Variants in USP20 observed in about 807,000 individuals in gnomAD.
USP20 encodes ubiquitin carboxyl-terminal hydrolase 20.
A neutral mutation model predicts 124.2 loss-of-function variants in USP20; 80 were observed. That is an observed-to-expected ratio of 0.64 (90% CI 0.54 to 0.78). The LOEUF (loss-of-function observed/expected upper bound fraction) is 0.78, where lower values mean the gene tolerates loss of function less well. Ranked by LOEUF, USP20 falls within the 30% of genes least tolerant of loss-of-function variation. The probability of loss-of-function intolerance (pLI) is 0.00; values close to 1 mark genes in which losing one functional copy is unlikely to be tolerated. For missense variants in USP20, 1,043 were observed against 1,244.4 expected, an observed-to-expected ratio of 0.84 and a Z score of 2.44; for synonymous variants, 481 against 512.3, an observed-to-expected ratio of 0.94 and a Z score of 0.83.
At chr9:129,848,453 G>A (rs917796064) in intron 1 of USP20, among the ~76,000 whole-genome samples, 1 of 151,648 alleles carries the variant, frequency 6.6e-6, no homozygotes, top group South Asian at 2.1e-4. Flanking sequence ...CTCTGAAGTT[G>A]CAAGAATGTA....
chr9:129,861,151 G>A, intron 7 of USP20, 118 bp downstream of exon 7: 1 of 968,190 alleles, frequency 1.0e-6, no homozygotes, highest in Non-Finnish European at 1.6e-6. Context: ...AAGGAAGGAT[G>A]GGGTGACGGA....
At chr9:129,871,821 A>C (rs1729341542) in intron 15 of USP20, among the ~76,000 whole-genome samples, 1 of 150,958 alleles carries the variant, frequency 6.6e-6, no homozygotes, top group Non-Finnish European at 1.5e-5. Flanking sequence ...GGTTTAAGCG[A>C]TTCTCCTGCC....
At chr9:129,861,102 G>T in intron 7 of USP20, 69 bp downstream of exon 7, 6 of 1,415,668 alleles carry the variant, frequency 4.2e-6, no homozygotes, top group Non-Finnish European at 6.0e-6. Flanking sequence ...GCTGGAAACC[G>T]CCAGAGTCTT....
At chr9:129,870,695 C>T (rs910498301) in intron 15 of USP20, 148 bp downstream of exon 15, 1 of 866,394 alleles carries the variant, frequency 1.2e-6, no homozygotes, top group Non-Finnish European at 1.8e-6. Context: ...CATCAGATAC[C>T]CACGCCCACT....
intron 14 of USP20, chr9:129,870,087 C>T (rs1317009217): frequency 5.0e-5 from 30 of 595,788 alleles, no homozygotes; most frequent in East Asian, 1.4e-4. Context: ...GAGGTGACCA[C>T]ATGGCAGGTT....
At chr9:129,873,666 G>C (rs1465408040) in intron 16 of USP20, 33 bp from the exon 17 acceptor site, 1 of 1,613,546 alleles carries the variant, frequency 6.2e-7, no homozygotes, top group Non-Finnish European at 8.5e-7. Flanking sequence ...CCCTGATGCC[G>C]GACACTGATG....
chr9:129,838,387 C>T (rs529196299), intron 1 of USP20, among the ~76,000 whole-genome samples: 3 of 152,234 alleles, frequency 2.0e-5, no homozygotes, highest in African/African-American at 7.2e-5. Flanking sequence ...CTCTTTGGCT[C>T]CAGTGAGCAG....
At position 129,870,529 on chromosome 9, in the gene USP20, G is replaced by T. The variant is rs767967978; in HGVS notation, c.1642G>T (p.Ala548Ser). Residue 548 changes from alanine to serine, a missense_variant, in exon 15 of 26, where the codon GCC (alanine) becomes TCC (serine). By Grantham distance (99) the Ala-to-Ser change is moderately conservative. Coordinates refer to ENST00000372429, the MANE Select transcript of USP20 (RefSeq NM_001110303.4). ...GGAAGACTGCCTTGCTGCCTTCTTTGCCGCTGATGAGTTAAAGGGTGAGGG... is the reference window on the plus strand; with the variant it reads ...GGAAGACTGCCTTGCTGCCTTCTTTTCCGCTGATGAGTTAAAGGGTGAGGG... ...TLEDCLAAFF[A>S]ADELKGDNMY... 1 of 1,614,134 alleles carries T rather than the reference G, an allele frequency of 6.2e-7. No homozygotes were observed. The highest frequency in any genetic ancestry group is 8.5e-7 in the Non-Finnish European group (1 of 1,180,016).
intron 5 of USP20, 49 bp from the exon 6 acceptor site, chr9:129,858,418 C>CTTG: frequency 6.2e-7 from 1 of 1,612,896 alleles, no homozygotes. Context: ...GGTTGGGGCA[C>CTTG]TTGTTAGGCT....
chr9:129,840,201 C>CT (rs373206235), intron 1 of USP20, among the ~76,000 whole-genome samples: 4 of 152,202 alleles, frequency 2.6e-5, no homozygotes, highest in African/African-American at 9.7e-5. Flanking sequence ...CCCTTTTGGC[C>CT]TTTATGAAAT....
chr9:129,846,731 A>G (rs2032597839), intron 1 of USP20, among the ~76,000 whole-genome samples: 2 of 149,310 alleles, frequency 1.3e-5, no homozygotes, highest in South Asian at 4.2e-4. Flanking sequence ...GGTTCAAGCG[A>G]TTCTCCTGCC....
chr9:129,861,807 T>TG (rs1189492449), intron 8 of USP20, among the ~76,000 whole-genome samples, 195 bp downstream of exon 8: 1 of 152,182 alleles, frequency 6.6e-6, no homozygotes, highest in Admixed American at 6.5e-5. Flanking sequence ...CCGGAGATGC[T>TG]GGGGAAGTTG....
In USP20 at chr9:129,868,859, C is replaced by T. The variant is rs2131084595; in HGVS notation, c.1136-3C>T. On this transcript the variant is annotated splice_region_variant and splice_polypyrimidine_tract_variant and intron_variant, in intron 11 of 25. Coordinates refer to ENST00000372429, the MANE Select transcript of USP20 (RefSeq NM_001110303.4). ...CCCAGCATGGTACCCTCTCTGCCCC[C>T]AGAGCCGGACAATGATGCTCACCTA... is the stretch of plus-strand genomic sequence containing the variant. 1 of 1,553,772 alleles carries T rather than the reference C, an allele frequency of 6.4e-7. No homozygotes were observed. Among genetic ancestry groups the T allele is most frequent in the Non-Finnish European group, 8.7e-7 (1 of 1,146,276 alleles).
At chr9:129,848,759 G>A (rs2032734130) in intron 1 of USP20, among the ~76,000 whole-genome samples, 2 of 152,098 alleles carry the variant, frequency 1.3e-5, no homozygotes, top group Admixed American at 1.3e-4. Context: ...CCACACCACT[G>A]CAGCTTAAAA....
chr9:129,875,604 A>C lies in USP20; in HGVS notation c.2263A>C (p.Ile755Leu), dbSNP rs1181722910. 6.2e-7 allele frequency: 1 copy of C among 1,614,026 alleles called. No individual in the cohort carries two copies. Among genetic ancestry groups the C allele is most frequent in the African/African-American group, 1.3e-5 (1 of 75,032 alleles). Residue 755 changes from isoleucine to leucine, a missense_variant, in exon 21 of 26, where the codon ATC becomes CTC. Transcript: ENST00000372429. ...KYHYIDDLVV[I>L]LPQNVWEHLY... The stretch of plus-strand genomic sequence containing the variant: ...CCACTACATCGACGACCTGGTGGTC[A>C]TCCTGCCCCAGAACGTCTGGGAGCA...
rs557742000 is a variant in USP20, at chr9:129,863,420, G to T, written c.611+121G>T. 76 of 737,006 alleles carry T rather than the reference G, an allele frequency of 1.0e-4. No homozygotes were observed. In the South Asian group the frequency reaches 1.7e-3, roughly 16 times the overall value. 45.7% of individuals were successfully genotyped at this position (737,006 alleles called of 1,614,324 possible). A position where few individuals can be genotyped will look rare whatever the true frequency, so the allele number is the denominator to read the frequency against. On this transcript the variant is annotated intron_variant, in intron 9 of 25. Coordinates refer to ENST00000372429, the MANE Select transcript of USP20 (RefSeq NM_001110303.4). ...GCGAGGACTTGCCTCACTTTGTCCC[G>T]GGTAATGCTTGCAGCAAGCCTGCGG...
At chr9:129,853,011 T>C (rs1421559160) in intron 3 of USP20, among the ~76,000 whole-genome samples, 1 of 151,884 alleles carries the variant, frequency 6.6e-6, no homozygotes, top group Non-Finnish European at 1.5e-5. Context: ...CTTCTCAGAG[T>C]AGGAGGATGT....
chr9:129,868,737 G>T, intron 11 of USP20, 125 bp from the exon 12 acceptor site: 1 of 1,450,782 alleles, frequency 6.9e-7, no homozygotes. Context: ...GTGGGCACAT[G>T]ACAGAGGAGA....
chr9:129,862,668 G>T (rs1268199989), intron 8 of USP20, among the ~76,000 whole-genome samples: 1 of 152,202 alleles, frequency 6.6e-6, no homozygotes, highest in Non-Finnish European at 1.5e-5. Context: ...CACTTTGGGA[G>T]GTCAAGGCAA....
Sources: gnomAD v4.1 joint callset for allele counts (sites outside exome capture counted in the v4.1 genomes callset) on GRCh38, gnomAD v4.1.1 for gene constraint, MANE v1.5 for transcripts, NCBI Gene and HGNC (gene_info 2026-07-23, HGNC 2026-07-21) for gene names.